The following PLEKHF2 variants were observed in gnomAD, a reference collection of about 807,000 sequenced individuals.
PLEKHF2 encodes the protein pleckstrin homology and FYVE domain containing 2, also known as pleckstrin homology domain-containing family F member 2.
A neutral mutation model predicts 14.7 loss-of-function variants in PLEKHF2; 4 were observed. The observed-to-expected ratio is 0.27, with a 90% confidence interval of 0.13 to 0.62. The LOEUF is 0.62. Ranked by LOEUF, PLEKHF2 falls within the 20% of genes least tolerant of loss-of-function variation. The probability of loss-of-function intolerance (pLI) is 0.85; values close to 1 mark genes in which losing one functional copy is unlikely to be tolerated. For synonymous variants in PLEKHF2, 90 were observed against 103.5 expected (o/e 0.87, Z 0.79); for missense variants, 201 against 307.7 (o/e 0.65, Z 2.60).
At chr8:95,150,416 A>G (rs890868085) in intron 1 of PLEKHF2, among the ~76,000 whole-genome samples, 4 of 147,388 alleles carry the variant, frequency 2.7e-5, no homozygotes, top group Non-Finnish European at 6.1e-5. Flanking sequence ...AATCATTAAA[A>G]TAAATGAAGA....
intron 1 of PLEKHF2, among the ~76,000 whole-genome samples, chr8:95,144,132 C>T (rs1312565451): frequency 6.6e-6 from 1 of 151,858 alleles, no homozygotes; most frequent in Non-Finnish European, 1.5e-5. Context: ...CCAGGGAAGC[C>T]AAAAGATGGG....
At chr8:95,136,450 A>G (rs1293315206) in intron 1 of PLEKHF2, among the ~76,000 whole-genome samples, 2 of 152,106 alleles carry the variant, frequency 1.3e-5, no homozygotes, top group Non-Finnish European at 2.9e-5. Flanking sequence ...GAACTTGAAT[A>G]TTTATGAAAT....
intron 1 of PLEKHF2, among the ~76,000 whole-genome samples, chr8:95,146,383 AG>A (rs1810500747): frequency 6.6e-6 from 1 of 152,162 alleles, no homozygotes; most frequent in Non-Finnish European, 1.5e-5. Context: ...AAATAAAATT[AG>A]ATTTGTTTTC....
At chr8:95,138,893 T>C (rs1468041614) in intron 1 of PLEKHF2, among the ~76,000 whole-genome samples, 1 of 152,222 alleles carries the variant, frequency 6.6e-6, no homozygotes, top group South Asian at 2.1e-4. Context: ...AACAACTTTG[T>C]ACACTTTTAA....
At chr8:95,144,448 A>G (rs973542912) in intron 1 of PLEKHF2, among the ~76,000 whole-genome samples, 1 of 152,202 alleles carries the variant, frequency 6.6e-6, no homozygotes, top group Non-Finnish European at 1.5e-5. Flanking sequence ...ATTACCATAG[A>G]TATGTAATTT....
chr8:95,140,209 C>G (rs1422144422), intron 1 of PLEKHF2, among the ~76,000 whole-genome samples: 1 of 152,208 alleles, frequency 6.6e-6, no homozygotes, highest in Non-Finnish European at 1.5e-5. Flanking sequence ...GTGGCTTACC[C>G]TTAAGCCTTT....
intron 1 of PLEKHF2, among the ~76,000 whole-genome samples, chr8:95,140,078 C>T (rs1810424505): frequency 6.6e-6 from 1 of 152,166 alleles, no homozygotes; most frequent in Non-Finnish European, 1.5e-5. Context: ...GAGCTCCCTG[C>T]CCATCCTGGC....
intron 1 of PLEKHF2, among the ~76,000 whole-genome samples, chr8:95,140,115 T>G (rs770685619): frequency 1.3e-5 from 2 of 152,216 alleles, no homozygotes; most frequent in Non-Finnish European, 2.9e-5. Context: ...TGTGTTTGTC[T>G]TGTGGATGCC....
intron 1 of PLEKHF2, among the ~76,000 whole-genome samples, chr8:95,150,461 T>C (rs775559189): frequency 6.6e-6 from 1 of 152,194 alleles, no homozygotes; most frequent in African/African-American, 2.4e-5. Flanking sequence ...GAAATAATTA[T>C]ACGAGTGTTT....
chr8:95,143,082 G>T (rs995601824), intron 1 of PLEKHF2, among the ~76,000 whole-genome samples: 4 of 150,278 alleles, frequency 2.7e-5, no homozygotes, highest in Non-Finnish European at 4.4e-5. Flanking sequence ...TACAAAGTTG[G>T]AGGAAATAAT....
intron 1 of PLEKHF2, among the ~76,000 whole-genome samples, chr8:95,145,708 G>A (rs186968019): frequency 1.5e-3 from 227 of 152,262 alleles, no homozygotes; most frequent in African/African-American, 4.2e-3. Flanking sequence ...ACAGGCGTGA[G>A]CCACTGCGCC....
intron 1 of PLEKHF2, among the ~76,000 whole-genome samples, chr8:95,149,285 T>G (rs1810533423): frequency 6.6e-6 from 1 of 152,168 alleles, no homozygotes. Context: ...TGAGGCCTTT[T>G]TGTACTACTC....
intron 1 of PLEKHF2, among the ~76,000 whole-genome samples, chr8:95,149,199 G>A (rs1810532864): frequency 6.6e-6 from 1 of 152,044 alleles, no homozygotes; most frequent in African/African-American, 2.4e-5. Context: ...TCCTATCTTA[G>A]GACCTTTGCT....
chr8:95,135,066 G>A (rs929863899), intron 1 of PLEKHF2, among the ~76,000 whole-genome samples: 4 of 152,230 alleles, frequency 2.6e-5, no homozygotes, highest in African/African-American at 7.2e-5. Context: ...TATTAACGAA[G>A]GCTTCATTAT....
chr8:95,145,316 C>T (rs767761241), intron 1 of PLEKHF2, among the ~76,000 whole-genome samples: 3 of 152,112 alleles, frequency 2.0e-5, no homozygotes, highest in African/African-American at 2.4e-5. Flanking sequence ...ACTGTGTAAT[C>T]GGTTGGCCAC....
intron 1 of PLEKHF2, among the ~76,000 whole-genome samples, chr8:95,136,333 TACACACACAC>T (rs34457137): frequency 4.3e-4 from 53 of 124,010 alleles, no homozygotes; most frequent in African/African-American, 9.1e-4. Flanking sequence ...TTATTATATA[TACACACACAC>T]ACACACACAC....
chr8:95,143,622 C>G (rs552423216), intron 1 of PLEKHF2, among the ~76,000 whole-genome samples: 19 of 152,158 alleles, frequency 1.2e-4, no homozygotes, highest in African/African-American at 4.6e-4. Flanking sequence ...TAGAGAAGAA[C>G]AAAGGAGGGA....
Position 95,156,017 on chromosome 8 carries a change from A to G in PLEKHF2, c.*1223A>G, listed in dbSNP as rs1352398636. On this transcript the variant is annotated 3_prime_UTR_variant, in exon 2 of 2. Transcript: ENST00000315367. ...CTATGGAAATAGAGTAGCAATTGCTATTTCTAAATTGTGAACTTTAAGTCA... is the reference window on the plus strand; with the variant it reads ...CTATGGAAATAGAGTAGCAATTGCTGTTTCTAAATTGTGAACTTTAAGTCA... 1 of 167,068 alleles carries G rather than the reference A, an allele frequency of 6.0e-6. No homozygotes were observed. Among genetic ancestry groups the G allele is most frequent in the Non-Finnish European group, 1.5e-5 (1 of 68,098 alleles). The allele number at this position is 167,068 out of a possible 1,614,324, so 10.3% of individuals were successfully genotyped here. A position where few individuals can be genotyped will look rare whatever the true frequency, so the allele number is the denominator to read the frequency against.
chr8:95,135,466 T>G (rs1447017000), intron 1 of PLEKHF2, among the ~76,000 whole-genome samples: 1 of 152,094 alleles, frequency 6.6e-6, no homozygotes, highest in Non-Finnish European at 1.5e-5. Context: ...TGCAGTGGTG[T>G]CATCTCCGCT....
Sources: gnomAD v4.1 joint callset for allele counts (sites outside exome capture counted in the v4.1 genomes callset) on GRCh38, gnomAD v4.1.1 for gene constraint, MANE v1.5 for transcripts, NCBI Gene and HGNC (gene_info 2026-07-23, HGNC 2026-07-21) for gene names.